GRB10: variants seen among roughly 807,000 people sequenced by gnomAD.
GRB10 encodes the protein growth factor receptor bound protein 10.
A neutral mutation model predicts 80.9 loss-of-function variants in GRB10; 20 were observed. That is an observed-to-expected ratio of 0.25 (90% CI 0.17 to 0.36). The LOEUF (loss-of-function observed/expected upper bound fraction) is 0.36. GRB10 is among the 10% of genes least tolerant of loss of function. GRB10 has a pLI of 1.00. For synonymous variants in GRB10, 291 were observed against 291.5 expected, an observed-to-expected ratio of 1.00 and a Z score of 0.02; for missense variants, 548 against 747.7, an observed-to-expected ratio of 0.73 and a Z score of 3.12.
intron 7 of GRB10, among the ~76,000 whole-genome samples, chr7:50,651,081 G>A (rs905014330): frequency 6.6e-6 from 1 of 152,070 alleles, no homozygotes; most frequent in African/African-American, 2.4e-5. Flanking sequence ...TTAATCTGAG[G>A]ACCAATTAAT....
chr7:50,793,261 C>G (rs942879426), exon 1 of GRB10: 1 of 145,118 alleles, frequency 6.9e-6, no homozygotes, highest in South Asian at 2.1e-4. Flanking sequence ...CGCGTGGCTG[C>G]GGGCGACACT....
chr7:50,775,991 C>G (rs1392551393), intron 2 of GRB10, among the ~76,000 whole-genome samples: 2 of 152,198 alleles, frequency 1.3e-5, no homozygotes, highest in Admixed American at 1.3e-4. Context: ...GTTCTGTTCC[C>G]TGGGCCTTGG....
intron 2 of GRB10, among the ~76,000 whole-genome samples, chr7:50,773,775 C>A (rs2077277973): frequency 6.6e-6 from 1 of 152,126 alleles, no homozygotes. Flanking sequence ...TCACAATACC[C>A]AAAAGGTAGA....
intron 2 of GRB10, among the ~76,000 whole-genome samples, chr7:50,772,068 G>A (rs984695138): frequency 6.6e-6 from 1 of 152,168 alleles, no homozygotes; most frequent in Non-Finnish European, 1.5e-5. Flanking sequence ...TTGTGATGCG[G>A]ATGTGGATCT....
chr7:50,708,499 A>G (rs1447401671), intron 4 of GRB10, among the ~76,000 whole-genome samples: 2 of 152,200 alleles, frequency 1.3e-5, no homozygotes, highest in Non-Finnish European at 2.9e-5. Flanking sequence ...AGAGGCAAAC[A>G]GTGGCGCTCT....
At position 50,619,315 on chromosome 7, in the gene GRB10, G is replaced by C. The variant is rs147011982; in HGVS notation, c.662-30C>G. The C allele has an allele frequency of 1.9e-4, 238 of 1,279,794 alleles. No individual in the cohort carries two copies. The African/African-American group carries it at 3.0e-3, about 16-fold the overall frequency. 79.3% of individuals were successfully genotyped at this position (1,279,794 alleles called of 1,614,324 possible). ...AGGGGCAAAGCATCACGTGTGAGAC[G>C]CAACAGGTGGGAAATTCATGGTAGC... On this transcript the variant is annotated intron_variant, in intron 8 of 18. Transcript: ENST00000401949.
At chr7:50,654,031 G>C (rs2058340942) in intron 7 of GRB10, among the ~76,000 whole-genome samples, 4 of 152,206 alleles carry the variant, frequency 2.6e-5, no homozygotes, top group Admixed American at 2.6e-4. Context: ...TGAGGCTCAA[G>C]GGCTGAAGGC....
At chr7:50,679,422 C>T (rs2061317447) in intron 5 of GRB10, among the ~76,000 whole-genome samples, 1 of 152,158 alleles carries the variant, frequency 6.6e-6, no homozygotes, top group Non-Finnish European at 1.5e-5. Context: ...ACCACCTTCA[C>T]CAATACATTT....
intron 1 of GRB10, among the ~76,000 whole-genome samples, chr7:50,790,214 G>A (rs2153717194): frequency 6.6e-6 from 1 of 152,336 alleles, no homozygotes; most frequent in South Asian, 2.1e-4. Flanking sequence ...GGGCTGAATG[G>A]ATCAGACCAG....
intron 5 of GRB10, among the ~76,000 whole-genome samples, chr7:50,696,419 A>G (rs1057465186): frequency 2.6e-5 from 4 of 152,206 alleles, no homozygotes; most frequent in African/African-American, 9.7e-5. Context: ...CATGTTATAG[A>G]CAAGGAAACT....
At chr7:50,645,614 G>A (rs1212218177) in intron 7 of GRB10, 3 of 985,134 alleles carry the variant, frequency 3.0e-6, no homozygotes, top group African/African-American at 3.5e-5. Context: ...TCCTCCAATC[G>A]CCCGGAGTTC....
At chr7:50,771,856 A>G (rs182902688) in intron 2 of GRB10, among the ~76,000 whole-genome samples, 47 of 152,344 alleles carry the variant, frequency 3.1e-4, no homozygotes, top group African/African-American at 1.1e-3. Flanking sequence ...ACCTGGCAAC[A>G]TGAGACTTAC....
At chr7:50,731,124 C>T (rs1039631632) in intron 4 of GRB10, among the ~76,000 whole-genome samples, 2 of 152,156 alleles carry the variant, frequency 1.3e-5, no homozygotes, top group African/African-American at 4.8e-5. Context: ...GAGGCAGATG[C>T]CTGTTCCAGA....
At chr7:50,648,983 TG>T (rs2057637115) in intron 7 of GRB10, among the ~76,000 whole-genome samples, 1 of 152,086 alleles carries the variant, frequency 6.6e-6, no homozygotes, top group Admixed American at 6.5e-5. Context: ...CCACGGGACT[TG>T]GGGGTAAGAA....
chr7:50,727,641 A>G (rs2068862960), intron 4 of GRB10, among the ~76,000 whole-genome samples: 1 of 152,210 alleles, frequency 6.6e-6, no homozygotes, highest in Non-Finnish European at 1.5e-5. Flanking sequence ...ACCAAATGCC[A>G]TCTATTTGTT....
chr7:50,751,732 G>C (rs943495306), intron 3 of GRB10, among the ~76,000 whole-genome samples: 3 of 152,198 alleles, frequency 2.0e-5, no homozygotes, highest in African/African-American at 7.2e-5. Context: ...AATTGAGCTG[G>C]TTAAAAAAAG....
intron 2 of GRB10, among the ~76,000 whole-genome samples, chr7:50,775,098 T>C (rs1165037815): frequency 2.5e-5 from 3 of 118,552 alleles, no homozygotes; most frequent in South Asian, 2.7e-4. Flanking sequence ...GAGGCAGAGG[T>C]TGCAGTGAGC....
At chr7:50,678,502 G>T (rs2153645787) in intron 5 of GRB10, among the ~76,000 whole-genome samples, 1 of 152,030 alleles carries the variant, frequency 6.6e-6, no homozygotes, top group African/African-American at 2.4e-5. Flanking sequence ...ACTGTAAAAT[G>T]TCCTGTGGGG....
In GRB10 at chr7:50,592,544, A is replaced by C. The variant is rs1345331501; in HGVS notation, c.*408T>G. The stretch of plus-strand genomic sequence containing the variant: ...AGGCTGAATACAATATTGAAAACAA[A>C]GAAGGAGTGCAAAAAAGTGATCAAT... On this transcript the variant is annotated 3_prime_UTR_variant, in exon 19 of 19. Transcript: ENST00000401949. 1.4e-5 allele frequency: 4 copies of C among 280,364 alleles called. No individual in the cohort carries two copies. The East Asian group carries it at 3.6e-4, about 25-fold the overall frequency. 17.4% of individuals were successfully genotyped at this position (280,364 alleles called of 1,614,324 possible).
Sources: allele counts gnomAD v4.1 joint callset (sites outside exome capture counted in the v4.1 genomes callset), GRCh38; gene constraint gnomAD v4.1.1; transcripts MANE v1.5; gene names NCBI Gene and HGNC (gene_info 2026-07-23, HGNC 2026-07-21).